Variants in CPNE1 observed in about 807,000 individuals in gnomAD.
CPNE1 encodes the protein copine-1.
Under a neutral mutation model 63.2 loss-of-function variants are expected in CPNE1, and 58 were observed. The ratio of observed to expected loss-of-function variants is 0.92; its 90% CI spans 0.74 to 1.14. The LOEUF is 1.14. Ranked by LOEUF, CPNE1 falls within the 50% of genes most tolerant of loss-of-function variation. The probability of loss-of-function intolerance (pLI) is 0.00; values close to 1 mark genes in which losing one functional copy is unlikely to be tolerated. For missense variants in CPNE1, 672 were observed against 661.7 expected (o/e 1.02, Z -0.17); for synonymous variants, 237 against 249.0 (o/e 0.95, Z 0.45).
In CPNE1 at chr20:35,631,335, T is replaced by C. The variant is rs2032122213; in HGVS notation, c.734A>G (p.His245Arg). Residue 245 changes from histidine (H) to arginine (R), a missense_variant, in exon 9 of 16, where the codon CAC becomes CGC. Coordinates refer to ENST00000397443, the MANE Select transcript of CPNE1 (RefSeq NM_152925.3). The stretch of plus-strand genomic sequence containing the variant: ...TTTCTTTTTCTGCTGCTTCTCAGGG[T>C]GGATGCATTCAAACTCAGCCTGGTG... ...QAVPAEFECI[H>R]PEKQQKKKSY... 2 of 1,613,916 alleles carry C rather than the reference T, an allele frequency of 1.2e-6. No individual in the cohort carries two copies. The highest frequency in any genetic ancestry group is 2.7e-5 in the African/African-American group (2 of 74,862).
At chr20:35,646,285 A>G (rs2033095302) in intron 1 of CPNE1, among the ~76,000 whole-genome samples, 1 of 151,074 alleles carries the variant, frequency 6.6e-6, no homozygotes, top group Non-Finnish European at 1.5e-5. Flanking sequence ...AAAAGAAACA[A>G]AAAAACTATT....
chr20:35,641,667 A>T (rs1357922580), intron 1 of CPNE1, among the ~76,000 whole-genome samples: 1 of 152,178 alleles, frequency 6.6e-6, no homozygotes, highest in African/African-American at 2.4e-5. Flanking sequence ...CCTAGCTTAT[A>T]TATGCTCCCC....
intron 13 of CPNE1, among the ~76,000 whole-genome samples, chr20:35,629,093 T>TAC (rs2031956171): frequency 6.6e-6 from 1 of 152,212 alleles, no homozygotes; most frequent in African/African-American, 2.4e-5. Context: ...CACACACATA[T>TAC]ACACACACAT....
At chr20:35,628,690 A>G (rs2031924645) in intron 13 of CPNE1, among the ~76,000 whole-genome samples, 1 of 152,276 alleles carries the variant, frequency 6.6e-6, no homozygotes, top group Non-Finnish European at 1.5e-5. Context: ...AGTCTTCCAT[A>G]TAAAAAGATA....
chr20:35,645,348 C>T (rs1446655953), intron 1 of CPNE1, among the ~76,000 whole-genome samples: 1 of 152,180 alleles, frequency 6.6e-6, no homozygotes, highest in African/African-American at 2.4e-5. Context: ...CAACAGGAAA[C>T]TACACTATGA....
At chr20:35,652,833 G>GCCGGGT in intron 1 of CPNE1, 1 of 1,606,670 alleles carries the variant, frequency 6.2e-7, no homozygotes, top group Non-Finnish European at 8.5e-7. Flanking sequence ...CGGGGCCGGG[G>GCCGGGT]CCGGGGCCAG....
chr20:35,651,742 G>A (rs558479267), intron 1 of CPNE1: 9 of 152,640 alleles, frequency 5.9e-5, no homozygotes, highest in Non-Finnish European at 1.2e-4. Flanking sequence ...AACCTAAATC[G>A]TGGCGGTCAA....
At chr20:35,655,228 C>T in intron 1 of CPNE1, 1 of 1,614,092 alleles carries the variant, frequency 6.2e-7, no homozygotes, top group Non-Finnish European at 8.5e-7. Context: ...AATATGCACG[C>T]CCCCATCAGG....
At chr20:35,658,858 T>A in intron 1 of CPNE1, 1 of 699,318 alleles carries the variant, frequency 1.4e-6, no homozygotes, top group South Asian at 1.5e-5. Context: ...GCTACATATA[T>A]TTTCATATTT....
At chr20:35,629,032 T>C (rs2031949678) in intron 13 of CPNE1, among the ~76,000 whole-genome samples, 1 of 152,272 alleles carries the variant, frequency 6.6e-6, no homozygotes, top group Admixed American at 6.5e-5. Context: ...TTAATCTTTT[T>C]TCCCTTGAAA....
intron 1 of CPNE1, among the ~76,000 whole-genome samples, chr20:35,637,350 T>C (rs943876192): frequency 2.0e-5 from 3 of 152,146 alleles, no homozygotes; most frequent in African/African-American, 2.4e-5. Flanking sequence ...CCAAAGGACA[T>C]ACCTACATAG....
At chr20:35,653,190 T>G in intron 1 of CPNE1, 1 of 1,613,510 alleles carries the variant, frequency 6.2e-7, no homozygotes, top group Non-Finnish European at 8.5e-7. Context: ...CTTCCTTTGA[T>G]CCTACAGTCA....
intron 13 of CPNE1, among the ~76,000 whole-genome samples, chr20:35,628,142 G>T (rs1043532024): frequency 6.6e-6 from 1 of 151,448 alleles, no homozygotes; most frequent in Non-Finnish European, 1.5e-5. Flanking sequence ...AAAACTAGCC[G>T]GGCGTGGTGG....
At chr20:35,639,901 A>T (rs932424702) in intron 1 of CPNE1, among the ~76,000 whole-genome samples, 5 of 151,994 alleles carry the variant, frequency 3.3e-5, no homozygotes, top group Admixed American at 3.3e-4. Context: ...TTACCATTAC[A>T]CCACTTTTCC....
chr20:35,644,211 C>A (rs2032984344), intron 1 of CPNE1, among the ~76,000 whole-genome samples: 1 of 152,088 alleles, frequency 6.6e-6, no homozygotes, highest in African/African-American at 2.4e-5. Context: ...ACCTTTGGGT[C>A]CTTCTGCAGT....
intron 1 of CPNE1, chr20:35,659,140 A>C: frequency 1.7e-5 from 3 of 175,266 alleles, no homozygotes; most frequent in Non-Finnish European, 3.2e-5. Context: ...ATGCATATCA[A>C]AAAAAAAAAA....
At position 35,653,318 on chromosome 20, in the gene CPNE1, C is replaced by T. The variant is rs543347279; in HGVS notation, c.-1+11442G>A. The T allele has an allele frequency of 8.1e-6, 13 of 1,613,570 alleles. No homozygotes were observed. The highest frequency in any genetic ancestry group is 2.2e-5 in the East Asian group (1 of 44,846). ...AGTCCTGTGCTGGGCAGGCCTGCAC[C>T]GGGAAGTCCTGCACTGGGCAGTCCC... is the stretch of plus-strand genomic sequence containing the variant. On this transcript the variant is annotated intron_variant, in intron 1 of 15. Coordinates refer to ENST00000397443, the MANE Select transcript of CPNE1 (RefSeq NM_152925.3).
At chr20:35,639,705 T>C (rs932379320) in intron 1 of CPNE1, among the ~76,000 whole-genome samples, 1 of 152,180 alleles carries the variant, frequency 6.6e-6, no homozygotes, top group Non-Finnish European at 1.5e-5. Flanking sequence ...GACAAAAGCA[T>C]TAGCAGTGAT....
rs759662420 is a variant in CPNE1, at chr20:35,654,424, T to C, written c.-1+10336A>G. The C allele has an allele frequency of 1.1e-4, 174 of 1,613,942 alleles. No homozygotes were observed. The highest frequency in any genetic ancestry group is 1.3e-4 in the Non-Finnish European group (148 of 1,180,020). On this transcript the variant is annotated intron_variant, in intron 1 of 15. Transcript: ENST00000397443. ...CACACTGACATACAGATCATCAGGG[T>C]TGATGGGGAGTGGCTTCACACTGCT...
Sources: gnomAD v4.1 joint callset for allele counts (sites outside exome capture counted in the v4.1 genomes callset) on GRCh38, gnomAD v4.1.1 for gene constraint, MANE v1.5 for transcripts, NCBI Gene and HGNC (gene_info 2026-07-23, HGNC 2026-07-21) for gene names.